VCPKMT: variants seen among roughly 807,000 people sequenced by gnomAD.
VCPKMT encodes the protein protein N-lysine methyltransferase METTL21D.
In VCPKMT, 32 loss-of-function variants were observed where a neutral mutation model predicts 28.6. That is an observed-to-expected ratio of 1.12 (90% confidence interval 0.84 to 1.50). The LOEUF is 1.50. Among genes scored for constraint, VCPKMT ranks in the 40% most tolerant of loss-of-function variants. VCPKMT has a pLI of 0.00. For missense variants in VCPKMT, 366 were observed against 285.0 expected, an observed-to-expected ratio of 1.28 and a Z score of -2.05; for synonymous variants, 138 against 111.4, an observed-to-expected ratio of 1.24 and a Z score of -1.50.
chr14:50,111,001 AG>A (rs1385938494), intron 5 of VCPKMT: 1 of 243,056 alleles, frequency 4.1e-6, no homozygotes, highest in African/African-American at 2.3e-5. Flanking sequence ...CGGGGGTAAC[AG>A]GGAGTGACTG....
At chr14:50,108,459 A>G (rs995490581), downstream of VCPKMT, among the ~76,000 whole-genome samples, 1 of 152,206 alleles carries the variant, frequency 6.6e-6, no homozygotes, top group African/African-American at 2.4e-5. Context: ...TGAACAAAGT[A>G]TCTTGGCGGG....
downstream of VCPKMT, chr14:50,106,591 T>G (rs1364072656): frequency 1.0e-6 from 1 of 985,222 alleles, no homozygotes; most frequent in African/African-American, 1.7e-5. Context: ...ATCACTCCTC[T>G]AATTCTGTCT....
At chr14:50,107,692 T>C (rs1202131256), downstream of VCPKMT, among the ~76,000 whole-genome samples, 1 of 152,056 alleles carries the variant, frequency 6.6e-6, no homozygotes, top group East Asian at 1.9e-4. Flanking sequence ...TTTATCAAGG[T>C]TAAGTAAAGG....
downstream of VCPKMT, among the ~76,000 whole-genome samples, chr14:50,108,232 A>T (rs1882407549): frequency 6.6e-6 from 1 of 151,986 alleles, no homozygotes; most frequent in South Asian, 2.1e-4. Context: ...AGGGCATAAA[A>T]ACTGGAGGGT....
chr14:50,110,233 C>T (rs528694854), intron 5 of VCPKMT, among the ~76,000 whole-genome samples: 3 of 151,976 alleles, frequency 2.0e-5, no homozygotes, highest in African/African-American at 4.8e-5. Flanking sequence ...GGTGACAGTG[C>T]GAGACTCTGT....
downstream of VCPKMT, chr14:50,106,582 T>G: frequency 1.0e-6 from 1 of 985,452 alleles, no homozygotes; most frequent in Non-Finnish European, 1.2e-6. Flanking sequence ...AGTTCCCACA[T>G]CACTCCTCTA....
At chr14:50,108,536 C>T (rs1353128282), downstream of VCPKMT, 1 of 890,234 alleles carries the variant, frequency 1.1e-6, no homozygotes, top group Non-Finnish European at 1.3e-6. Context: ...GATTTCTTGA[C>T]TTGTATCCTT....
chr14:50,113,796 G>GC (rs1314507842), intron 4 of VCPKMT, among the ~76,000 whole-genome samples: 5 of 77,788 alleles, frequency 6.4e-5, no homozygotes, highest in African/African-American at 2.8e-4. Context: ...CTTGGGGGCG[G>GC]GGGGGGGGGG....
At chr14:50,115,117 C>T (rs1233505086) in intron 3 of VCPKMT, among the ~76,000 whole-genome samples, 1 of 149,638 alleles carries the variant, frequency 6.7e-6, no homozygotes, top group Non-Finnish European at 1.5e-5. Context: ...TTAAAATAAT[C>T]GATGCCCACA....
At chr14:50,103,588 C>T in the VCPKMT span, among the ~76,000 whole-genome samples, 7 of 152,288 alleles carry the variant, frequency 4.6e-5, no homozygotes, top group South Asian at 2.1e-4. Context: ...TATTTAGAAA[C>T]GAGGATTTGC....
At chr14:50,107,390 C>CT (rs1882364861), downstream of VCPKMT, among the ~76,000 whole-genome samples, 1 of 151,974 alleles carries the variant, frequency 6.6e-6, no homozygotes. Context: ...TCTCAGCTCA[C>CT]TGTAGCCTCC....
At chr14:50,105,663 A>C (rs1358511584), downstream of VCPKMT, among the ~76,000 whole-genome samples, 1 of 152,094 alleles carries the variant, frequency 6.6e-6, no homozygotes, top group Non-Finnish European at 1.5e-5. Context: ...AACTAATTTC[A>C]TTTCCAACTT....
At chr14:50,106,474 G>A (rs575346566), downstream of VCPKMT, 201 of 871,032 alleles carry the variant, frequency 2.3e-4, no homozygotes, top group Non-Finnish European at 2.7e-4. Context: ...AAACCACGTC[G>A]TCCCCTCCTT....
chr14:50,111,052 A>C (rs1213717951), intron 5 of VCPKMT: 2 of 568,462 alleles, frequency 3.5e-6, no homozygotes, highest in Non-Finnish European at 4.5e-6. Context: ...GAAATCATTA[A>C]AAATTAGAAA....
In VCPKMT at chr14:50,109,720, CA is replaced by C. The variant is rs144613500; in HGVS notation, c.676-8del. 1.5e-4 allele frequency: 241 copies of C among 1,571,478 alleles called. No homozygotes were observed. The highest frequency in any genetic ancestry group is 7.3e-4 in the Admixed American group (40 of 54,976). ...GGCTTCACGATGGAAATTTCTATAA[CA>C]AAAAAAAAGGAAACTTAAAAGATTG... On this transcript the variant is annotated splice_region_variant and splice_polypyrimidine_tract_variant and intron_variant, in intron 5 of 5. Coordinates refer to ENST00000395860, the MANE Select transcript of VCPKMT (RefSeq NM_024558.3).
intron 4 of VCPKMT, chr14:50,113,438 C>T (rs1329629573): frequency 6.6e-6 from 1 of 152,008 alleles, no homozygotes; most frequent in African/African-American, 2.4e-5. Flanking sequence ...AACTGCAGGC[C>T]TATATAGATG....
At chr14:50,107,091 A>G (rs1179236426), downstream of VCPKMT, among the ~76,000 whole-genome samples, 1 of 152,206 alleles carries the variant, frequency 6.6e-6, no homozygotes, top group Admixed American at 6.5e-5. Context: ...AGACTAAATT[A>G]CATTCCCTAA....
downstream of VCPKMT, among the ~76,000 whole-genome samples, chr14:50,107,458 T>C (rs1199971384): frequency 6.6e-6 from 1 of 151,988 alleles, no homozygotes; most frequent in Non-Finnish European, 1.5e-5. Flanking sequence ...GGGATTACAG[T>C]GCACGCCACC....
Position 50,108,992 on chromosome 14 carries a change from A to G in VCPKMT, c.*707T>C. The G allele has an allele frequency of 2.1e-5, 21 of 985,466 alleles. No individual in the cohort carries two copies. Among genetic ancestry groups the G allele is most frequent in the Non-Finnish European group, 2.5e-5 (21 of 829,932 alleles). The allele number at this position is 985,466 out of a possible 1,614,324, so 61.0% of individuals were successfully genotyped here. A position where few individuals can be genotyped will look rare whatever the true frequency, so the allele number is the denominator to read the frequency against. ...TCTTTCTATTCTCACTCCATGCTCA[A>G]ATGAAAAATCTGTAAAGATATCTTT... On this transcript the variant is annotated 3_prime_UTR_variant, in exon 6 of 6. Coordinates refer to ENST00000395860, the MANE Select transcript of VCPKMT (RefSeq NM_024558.3).
Sources: gnomAD v4.1 joint callset for allele counts (sites outside exome capture counted in the v4.1 genomes callset) on GRCh38, gnomAD v4.1.1 for gene constraint, MANE v1.5 for transcripts, NCBI Gene and HGNC (gene_info 2026-07-23, HGNC 2026-07-21) for gene names.